Variants in GLIS1 observed in about 807,000 individuals in gnomAD.
GLIS1 encodes GLIS family zinc finger 1.
GLIS1 carries 24 observed loss-of-function variants against 63.8 expected under a neutral mutation model. The ratio of observed to expected loss-of-function variants is 0.38; its 90% CI spans 0.27 to 0.53. GLIS1 has a LOEUF of 0.53. Ranked by LOEUF, GLIS1 falls within the 20% of genes least tolerant of loss-of-function variation. The pLI is 0.85. For synonymous variants in GLIS1, 450 were observed against 482.5 expected (o/e 0.93, Z 0.88); for missense variants, 1,036 against 1,074.1 (o/e 0.96, Z 0.50).
chr1:53,611,370 A>G (rs1468090674), intron 2 of GLIS1, among the ~76,000 whole-genome samples: 1 of 152,214 alleles, frequency 6.6e-6, no homozygotes, highest in Non-Finnish European at 1.5e-5. Flanking sequence ...GATTGTAGGC[A>G]TGAGCCACTG....
intron 4 of GLIS1, among the ~76,000 whole-genome samples, chr1:53,575,243 C>T (rs780649116): frequency 7.9e-5 from 12 of 152,202 alleles, no homozygotes; most frequent in Non-Finnish European, 1.6e-4. Context: ...GAAGCTCACA[C>T]AAGCCTCTGT....
At chr1:53,659,830 A>C (rs78170367) in intron 2 of GLIS1, among the ~76,000 whole-genome samples, 2 of 152,360 alleles carry the variant, frequency 1.3e-5, no homozygotes, top group East Asian at 3.9e-4. Context: ...TGTGAGGATT[A>C]ATGAGATGAA....
In GLIS1 at chr1:53,514,621, A is replaced by T. The variant is rs923811445; in HGVS notation, c.1883+4T>A. 3.7e-5 allele frequency: 60 copies of T among 1,612,546 alleles called. No individual in the cohort carries two copies. Among genetic ancestry groups the T allele is most frequent in the Non-Finnish European group, 4.8e-5 (57 of 1,179,594 alleles). ...CTGGAGGAGGACTGGCCTGGTGTACATACCCATCCCGGGTGCTCTCAGCCA... is the reference window on the plus strand; with the variant it reads ...CTGGAGGAGGACTGGCCTGGTGTACTTACCCATCCCGGGTGCTCTCAGCCA... On this transcript the variant is annotated splice_donor_region_variant and intron_variant, in intron 8 of 10. Transcript: ENST00000628545.
chr1:53,545,253 G>A (rs11206170), intron 4 of GLIS1, among the ~76,000 whole-genome samples: 86,046 of 151,990 alleles, frequency 0.57, 25,043 homozygotes, highest in Middle Eastern at 0.64. Flanking sequence ...TACACTACCT[G>A]CAACCCCATG....
At chr1:53,615,464 A>T (rs1645472049) in intron 2 of GLIS1, among the ~76,000 whole-genome samples, 1 of 152,218 alleles carries the variant, frequency 6.6e-6, no homozygotes, top group Admixed American at 6.5e-5. Flanking sequence ...GGGAGACTCC[A>T]GGCTGGGGTG....
At chr1:53,731,531 G>T (rs1646861137) in intron 2 of GLIS1, among the ~76,000 whole-genome samples, 2 of 152,300 alleles carry the variant, frequency 1.3e-5, no homozygotes, top group South Asian at 4.1e-4. Flanking sequence ...ATTTTCAGAG[G>T]AAAGTACTGG....
At chr1:53,734,438 C>T (rs1329483111) in intron 2 of GLIS1, among the ~76,000 whole-genome samples, 1 of 152,190 alleles carries the variant, frequency 6.6e-6, no homozygotes, top group Non-Finnish European at 1.5e-5. Flanking sequence ...TGCCAGCTCT[C>T]GGCCGCCAAC....
intron 2 of GLIS1, among the ~76,000 whole-genome samples, chr1:53,715,375 G>A (rs867536332): frequency 1.3e-5 from 2 of 152,182 alleles, no homozygotes; most frequent in South Asian, 2.1e-4. Flanking sequence ...AGGCCCTAGC[G>A]CAAGGTCAGC....
intron 4 of GLIS1, among the ~76,000 whole-genome samples, chr1:53,564,368 AAAGAC>A (rs1256094356): frequency 1.3e-5 from 2 of 152,194 alleles, no homozygotes; most frequent in Non-Finnish European, 2.9e-5. Context: ...AAGCAAAATA[AAAGAC>A]AATAACGGCA....
chr1:53,667,621 T>C (rs2950242), intron 2 of GLIS1, among the ~76,000 whole-genome samples: 148,458 of 152,334 alleles, frequency 0.97, 72,457 homozygotes, highest in Middle Eastern at 1. Flanking sequence ...ACTGCTACAA[T>C]AAAACACCTA....
intron 2 of GLIS1, among the ~76,000 whole-genome samples, chr1:53,686,173 C>A (rs992125612): frequency 6.6e-6 from 1 of 152,184 alleles, no homozygotes; most frequent in African/African-American, 2.4e-5. Context: ...TGTTTCCCCA[C>A]GGAGCGGAGC....
intron 2 of GLIS1, among the ~76,000 whole-genome samples, chr1:53,677,662 G>GC (rs1646227961): frequency 6.6e-6 from 1 of 152,248 alleles, no homozygotes. Flanking sequence ...CAGGGCCTGG[G>GC]CCCCAGTCCG....
intron 4 of GLIS1, among the ~76,000 whole-genome samples, chr1:53,537,864 T>C (rs1292179734): frequency 6.6e-6 from 1 of 152,218 alleles, no homozygotes; most frequent in Non-Finnish European, 1.5e-5. Flanking sequence ...GTAAAATATA[T>C]TGGGTTACAA....
At chr1:53,704,426 C>T (rs1042021305) in intron 2 of GLIS1, among the ~76,000 whole-genome samples, 19 of 152,246 alleles carry the variant, frequency 1.2e-4, no homozygotes, top group Admixed American at 5.2e-4. Context: ...GGGCCATTCG[C>T]CTGCTTGTTG....
intron 4 of GLIS1, among the ~76,000 whole-genome samples, chr1:53,545,752 A>G (rs903902743): frequency 2.6e-5 from 4 of 152,358 alleles, no homozygotes; most frequent in Non-Finnish European, 5.9e-5. Context: ...AAAAAAATTT[A>G]CAGTGGGCAG....
intron 4 of GLIS1, among the ~76,000 whole-genome samples, chr1:53,561,148 T>C (rs982324588): frequency 6.6e-6 from 1 of 152,154 alleles, no homozygotes; most frequent in Non-Finnish European, 1.5e-5. Context: ...TCCACCCCAC[T>C]GGCCAAGTCA....
intron 4 of GLIS1, among the ~76,000 whole-genome samples, chr1:53,532,052 C>T (rs1212183043): frequency 6.6e-6 from 1 of 152,140 alleles, no homozygotes; most frequent in Admixed American, 6.6e-5. Context: ...CTCTACTGGG[C>T]AAGGAGTCTG....
rs1011025582 is a variant in GLIS1 at position 53,737,749 on chromosome 1, C to T, written c.259+57G>A. On this transcript the variant is annotated intron_variant, in intron 2 of 10. Coordinates refer to ENST00000628545, the MANE Select transcript of GLIS1 (RefSeq NM_001367484.1). ...CTCTCCCGAGCACGCGGTGGCGACGCCGGGCAGCCCGAATCTCCACAGGAG... is the reference window on the plus strand; with the variant it reads ...CTCTCCCGAGCACGCGGTGGCGACGTCGGGCAGCCCGAATCTCCACAGGAG... The T allele has an allele frequency of 3.1e-5, 38 of 1,229,500 alleles. 1 individual carries two copies. The highest frequency in any genetic ancestry group is 3.9e-5 in the Non-Finnish European group (38 of 986,350). 76.2% of individuals were successfully genotyped at this position (1,229,500 alleles called of 1,614,324 possible).
At chr1:53,676,913 C>T (rs1646218672) in intron 2 of GLIS1, among the ~76,000 whole-genome samples, 1 of 152,216 alleles carries the variant, frequency 6.6e-6, no homozygotes, top group Non-Finnish European at 1.5e-5. Flanking sequence ...GCTTTGGACG[C>T]ACTTGCCTTC....
Sources: allele counts gnomAD v4.1 joint callset (sites outside exome capture counted in the v4.1 genomes callset), GRCh38; gene constraint gnomAD v4.1.1; transcripts MANE v1.5; gene names NCBI Gene and HGNC (gene_info 2026-07-23, HGNC 2026-07-21).